The following AMPD1 variants were observed in gnomAD, a reference collection of about 807,000 sequenced individuals.
The protein encoded by AMPD1 is AMP deaminase 1.
AMPD1 carries 74 observed loss-of-function variants against 82.9 expected under a neutral mutation model. That is an observed-to-expected ratio of 0.89 (90% CI 0.74 to 1.08). AMPD1 has a LOEUF of 1.08. Among genes scored for constraint, AMPD1 ranks in the 50% least tolerant of loss-of-function variants. AMPD1 has a pLI of 0.00. For synonymous variants in AMPD1, 333 were observed against 320.5 expected (o/e 1.04, Z -0.42); for missense variants, 881 against 924.5 (o/e 0.95, Z 0.61).
At position 114,688,746 on chromosome 1, in the gene AMPD1, A is replaced by C; in HGVS notation, c.35-5T>G. On this transcript the variant is annotated splice_region_variant and splice_polypyrimidine_tract_variant and intron_variant, in intron 2 of 15. Transcript: ENST00000520113. The stretch of plus-strand genomic sequence containing the variant: ...TGCGCATTGCATCATCAATTTCTAA[A>C]AGAGGTTTTCACATATTAGTGTTCA... The C allele has an allele frequency of 1.2e-6, 2 of 1,612,762 alleles. No individual in the cohort carries two copies. Among genetic ancestry groups the C allele is most frequent in the South Asian group, 2.2e-5 (2 of 91,084 alleles).
chr1:114,683,833 T>A (rs1557972092), intron 5 of AMPD1, among the ~76,000 whole-genome samples: 1 of 152,186 alleles, frequency 6.6e-6, no homozygotes, highest in Non-Finnish European at 1.5e-5. Flanking sequence ...AAGGAGCAGC[T>A]AAAGGTTCTT....
rs1227511929 is a variant in AMPD1 at position 114,679,875 on chromosome 1, G to A, written c.768-167C>T. Among the ~76,000 whole-genome samples, 8 of 152,256 alleles carry A rather than the reference G, an allele frequency of 5.3e-5. No homozygotes were observed. The South Asian group carries it at 1.7e-3, about 32-fold the overall frequency. ...CCACTGAGAAGTAGTGGGCTCCAAA[G>A]GCTTAATCTTTTCAATAATGTTGGA... On this transcript the variant is annotated intron_variant, in intron 6 of 15. Transcript: ENST00000520113.
intron 2 of AMPD1, among the ~76,000 whole-genome samples, chr1:114,692,297 G>C (rs970957311): frequency 2.0e-5 from 3 of 152,158 alleles, no homozygotes; most frequent in Admixed American, 2.0e-4. Flanking sequence ...ATCTCCCAAA[G>C]GAATTCAGAG....
rs2101714688 is a variant in AMPD1, at chr1:114,678,267, T to C, written c.1092+66A>G. The C allele has an allele frequency of 8.9e-6, 14 of 1,572,230 alleles. 1 individual carries two copies. In the East Asian group the frequency reaches 2.5e-4, roughly 28 times the overall value. On this transcript the variant is annotated intron_variant, in intron 8 of 15. Coordinates refer to ENST00000520113, the MANE Select transcript of AMPD1 (RefSeq NM_000036.3). The stretch of plus-strand genomic sequence containing the variant: ...TAAGAGACCTCTGAGAAGGGAGGGC[T>C]TGTAGGAGAAAGACATGTGGGGTTC...
chr1:114,675,870 T>G lies in AMPD1; in HGVS notation c.1515+7A>C, dbSNP rs562896819. ...AGCAGTATGAAGGCCTGAAGGGTCA[T>G]GCTTACATGCTTGAGGAAGACACTG... On this transcript the variant is annotated splice_region_variant and intron_variant, in intron 11 of 15. Coordinates refer to ENST00000520113, the MANE Select transcript of AMPD1 (RefSeq NM_000036.3). 1.2e-6 allele frequency: 2 copies of G among 1,614,178 alleles called. No homozygotes were observed. Among genetic ancestry groups the G allele is most frequent in the South Asian group, 2.2e-5 (2 of 91,086 alleles).
intron 4 of AMPD1, among the ~76,000 whole-genome samples, chr1:114,686,034 A>G (rs1658306634): frequency 6.6e-6 from 1 of 152,154 alleles, no homozygotes; most frequent in Non-Finnish European, 1.5e-5. Context: ...CTGCAAGTCC[A>G]TGTGGCAGAG....
chr1:114,674,077 G>A lies in AMPD1; in HGVS notation c.1806C>T (p.Pro602=), dbSNP rs148515775. The part of the protein sequence containing the change: ...ISHGLNLKKS[P]VLQYLFFLAQ... ...CTAAGAAAAACAAGTACTGTAGCACGGGACTCTGAAAAAGAAAAGTAAAAA... is the reference window on the plus strand; with the variant it reads ...CTAAGAAAAACAAGTACTGTAGCACAGGACTCTGAAAAAGAAAAGTAAAAA... The change falls in exon 14 of 16, where the codon CCC becomes CCT. Residue 602 remains proline (P), a synonymous_variant. Coordinates refer to ENST00000520113, the MANE Select transcript of AMPD1 (RefSeq NM_000036.3). 96 of 1,613,364 alleles carry A rather than the reference G, an allele frequency of 6.0e-5. 1 individual carries two copies. In the Admixed American group the frequency reaches 1.5e-3, roughly 25 times the overall value.
At position 114,673,667 on chromosome 1, in the gene AMPD1, C is replaced by A. The variant is rs1233638381; in HGVS notation, c.2057G>T (p.Ser686Ile). ...TCDMCEVARN[S>I]VLQCGISHEE... ...ATGAGAAATTCCACACTGCAAGACA[C>A]TGTTCCTTGCCACTTCGCACATATC... The change falls in exon 15 of 16, where the codon AGT (serine) becomes ATT (isoleucine). Residue 686 changes from serine to isoleucine, a missense_variant. Around this residue, in one of 2 missense-constraint regions of AMPD1, gnomAD observed 98 missense variants for 138.1 expected, o/e 0.71. Coordinates refer to ENST00000520113, the MANE Select transcript of AMPD1 (RefSeq NM_000036.3). The A allele has an allele frequency of 1.2e-6, 2 of 1,614,064 alleles. No individual in the cohort carries two copies. Among genetic ancestry groups the A allele is most frequent in the Non-Finnish European group, 1.7e-6 (2 of 1,179,954 alleles).
intron 4 of AMPD1, among the ~76,000 whole-genome samples, chr1:114,685,557 C>T (rs916346996): frequency 4.6e-5 from 7 of 152,146 alleles, no homozygotes; most frequent in Non-Finnish European, 8.8e-5. Flanking sequence ...AAACATACTT[C>T]GTTTTTCCCA....
chr1:114,688,866 G>C (rs368256427), intron 2 of AMPD1, 125 bp from the exon 3 acceptor site: 4 of 1,080,926 alleles, frequency 3.7e-6, no homozygotes, highest in Non-Finnish European at 4.3e-6. Context: ...TTTCCAACCA[G>C]GGTCCAACAC....
At chr1:114,692,413 C>T (rs1179877856) in intron 2 of AMPD1, among the ~76,000 whole-genome samples, 4 of 152,118 alleles carry the variant, frequency 2.6e-5, no homozygotes, top group African/African-American at 9.7e-5. Context: ...AGGCTGGGCA[C>T]GGTGGCTCAC....
At chr1:114,687,144 A>G (rs1043413212) in intron 3 of AMPD1, 2 of 567,000 alleles carry the variant, frequency 3.5e-6, no homozygotes, top group African/African-American at 3.7e-5. Context: ...TCCTACTAGA[A>G]GACCTTCACC....
In AMPD1 at chr1:114,673,164, A is replaced by G. The variant is rs1657881415; in HGVS notation, c.2194T>C (p.Trp732Arg). ...GCAATTAAATTGAGTTCATAACACC[A>G]GGTTTCATAGCGATAGGCCATGCGG... ...QIRMAYRYET[W>R]CYELNLIAEG... The change falls in exon 16 of 16, where the codon TGG (tryptophan) becomes CGG (arginine). Residue 732 changes from tryptophan (W) to arginine (R), a missense_variant. Physicochemically the swap from Trp to Arg is moderately radical, Grantham distance 101. Coordinates refer to ENST00000520113, the MANE Select transcript of AMPD1 (RefSeq NM_000036.3). 1.2e-6 allele frequency: 2 copies of G among 1,614,026 alleles called. No individual in the cohort carries two copies. The highest frequency in any genetic ancestry group is 1.1e-5 in the South Asian group (1 of 91,090).
At position 114,680,293 on chromosome 1, in the gene AMPD1, T is replaced by A; in HGVS notation, c.733A>T (p.Asn245Tyr). 1 of 1,614,110 alleles carries A rather than the reference T, an allele frequency of 6.2e-7. No homozygotes were observed. Residue 245 changes from asparagine (N) to tyrosine (Y), a missense_variant, in exon 6 of 16, where the codon AAT becomes TAT. This residue lies in a region of AMPD1 where 783 missense variants were observed against 786.4 expected (regional missense o/e 1.00). Transcript: ENST00000520113. Reference sequence around the variant, plus strand: ...TGAGCAATTAAAGCAAGTAAAAAATTCATATCGTCTAAGAAGGTGTCCAGA... The same window carrying A: ...TGAGCAATTAAAGCAAGTAAAAAATACATATCGTCTAAGAAGGTGTCCAGA... ...PNLDTFLDDM[N>Y]FLLALIAQGP...
intron 2 of AMPD1, among the ~76,000 whole-genome samples, chr1:114,689,345 C>T (rs1414565135): frequency 6.6e-6 from 1 of 152,192 alleles, no homozygotes; most frequent in Non-Finnish European, 1.5e-5. Flanking sequence ...GAGGGGACCA[C>T]TAACATTTAC....
chr1:114,686,612 C>T, intron 4 of AMPD1, 133 bp downstream of exon 4: 1 of 892,352 alleles, frequency 1.1e-6, no homozygotes, highest in Non-Finnish European at 1.8e-6. Flanking sequence ...TATTGAAATG[C>T]AATAATGAAG....
Position 114,675,650 on chromosome 1 carries a change from C to T in AMPD1, c.1559G>A (p.Gly520Asp). The T allele has an allele frequency of 6.2e-7, 1 of 1,614,170 alleles. No individual in the cohort carries two copies. Among genetic ancestry groups the T allele is most frequent in the South Asian group, 1.1e-5 (1 of 91,088 alleles). ...GGGACTCTTGGAGGAGAACATGTGG[C>T]CACTGTGTTTGGACTCATCATCCAC... is the stretch of plus-strand genomic sequence containing the variant. ...DSVDDESKHS[G>D]HMFSSKSPKP... The change falls in exon 12 of 16, where the codon GGC becomes GAC. Residue 520 changes from glycine (G) to aspartate (D), a missense_variant. Around this residue, in one of 2 missense-constraint regions of AMPD1, gnomAD observed 783 missense variants for 786.4 expected, o/e 1.00. Transcript: ENST00000520113.
At chr1:114,673,397 C>T (rs1050496306) in intron 15 of AMPD1, 125 bp from the exon 16 acceptor site, 16 of 1,153,738 alleles carry the variant, frequency 1.4e-5, no homozygotes, top group Non-Finnish European at 1.8e-5. Context: ...TAATAATAGA[C>T]CATTAAAAGC....
At chr1:114,695,395 C>CAAAAAAAAAAAAAAAACAAAA in intron 1 of AMPD1, 55 bp downstream of exon 1, 1 of 1,450,256 alleles carries the variant, frequency 6.9e-7, no homozygotes. Context: ...AGTTGCTTGT[C>CAAAAAAAAAAAAAAAACAAAA]AAAAAAAAAA....
Sources: allele counts gnomAD v4.1 joint callset (sites outside exome capture counted in the v4.1 genomes callset), GRCh38; gene constraint gnomAD v4.1.1; regional missense constraint gnomAD v4.1.1; transcripts MANE v1.5; gene names NCBI Gene and HGNC (gene_info 2026-07-23, HGNC 2026-07-21).